Variants in EPHA6 observed in about 807,000 individuals in gnomAD.
The protein encoded by EPHA6 is EPH receptor A6, also known as ephrin type-A receptor 6.
In EPHA6, 50 loss-of-function variants were observed where a neutral mutation model predicts 112.0. The observed-to-expected ratio is 0.45, with a 90% CI of 0.36 to 0.56. The LOEUF (loss-of-function observed/expected upper bound fraction) is 0.56, where lower values mean the gene tolerates loss of function less well. Ranked by LOEUF, EPHA6 falls within the 20% of genes least tolerant of loss-of-function variation. The pLI, the probability that EPHA6 is intolerant of heterozygous loss-of-function variation, is 0.00. For synonymous variants in EPHA6, 529 were observed against 490.7 expected (o/e 1.08, Z -1.03); for missense variants, 1,280 against 1,417.4 (o/e 0.90, Z 1.56).
intron 14 of EPHA6, among the ~76,000 whole-genome samples, chr3:97,647,659 A>G (rs1020685066): frequency 6.6e-6 from 1 of 152,126 alleles, no homozygotes; most frequent in African/African-American, 2.4e-5. Flanking sequence ...AATCTGCATA[A>G]AAGTTACTGA....
chr3:96,877,557 T>C lies in EPHA6; in HGVS notation c.450+10668T>C, dbSNP rs201056082. Reference sequence around the variant, plus strand: ...AGATGAGAATAAAAAATAGAACATATGGATTTTTAATGAGTGATAGATGGA... The same window carrying C: ...AGATGAGAATAAAAAATAGAACATACGGATTTTTAATGAGTGATAGATGGA... On this transcript the variant is annotated intron_variant, in intron 2 of 17. Transcript: ENST00000389672. Among the ~76,000 whole-genome samples, 13 of 152,106 alleles carry C rather than the reference T, an allele frequency of 8.5e-5. No homozygotes were observed. The East Asian group carries it at 1.9e-3, about 23-fold the overall frequency.
chr3:97,541,723 T>C (rs994270847), intron 11 of EPHA6, among the ~76,000 whole-genome samples: 1 of 124,696 alleles, frequency 8.0e-6, no homozygotes. Context: ...GTTTTCTTTT[T>C]TTTGTTTTTT....
chr3:97,028,176 G>C (rs1306652389), intron 3 of EPHA6, among the ~76,000 whole-genome samples: 1 of 152,144 alleles, frequency 6.6e-6, no homozygotes, highest in Non-Finnish European at 1.5e-5. Flanking sequence ...ATAGAGAGGA[G>C]AAACCCAAAG....
chr3:97,589,854 C>T (rs2093526877), intron 11 of EPHA6, among the ~76,000 whole-genome samples: 5 of 152,156 alleles, frequency 3.3e-5, no homozygotes, highest in Admixed American at 3.3e-4. Context: ...TCCTGCTACA[C>T]ATTTTAGATT....
At chr3:97,408,110 G>A (rs1053652622) in intron 6 of EPHA6, among the ~76,000 whole-genome samples, 1 of 152,000 alleles carries the variant, frequency 6.6e-6, no homozygotes, top group Non-Finnish European at 1.5e-5. Context: ...CCCAACAGAA[G>A]AGGAGAAAAG....
intron 2 of EPHA6, among the ~76,000 whole-genome samples, chr3:96,931,250 C>T (rs928754703): frequency 1.3e-5 from 2 of 152,114 alleles, no homozygotes; most frequent in African/African-American, 2.4e-5. Context: ...CTGGGAGGTC[C>T]CACCCAGTGA....
chr3:96,820,097 G>A (rs977754723), intron 1 of EPHA6, among the ~76,000 whole-genome samples: 5 of 152,020 alleles, frequency 3.3e-5, no homozygotes, highest in African/African-American at 4.8e-5. Context: ...CAAGGGTCTC[G>A]AAGAGAAATG....
chr3:97,269,291 TTTC>T (rs2079802017), intron 5 of EPHA6, among the ~76,000 whole-genome samples: 1 of 152,208 alleles, frequency 6.6e-6, no homozygotes, highest in Non-Finnish European at 1.5e-5. Flanking sequence ...TCTTGTTTAC[TTTC>T]TTCTTCTCCA....
At chr3:97,629,649 C>A (rs1226050788) in intron 13 of EPHA6, among the ~76,000 whole-genome samples, 1 of 151,950 alleles carries the variant, frequency 6.6e-6, no homozygotes, top group Non-Finnish European at 1.5e-5. Context: ...CTGAACTCCT[C>A]TATGGTCACT....
At chr3:97,405,610 T>A (rs719634) in intron 6 of EPHA6, among the ~76,000 whole-genome samples, 26 of 151,978 alleles carry the variant, frequency 1.7e-4, no homozygotes, top group Non-Finnish European at 3.4e-4. Flanking sequence ...AAAATTCAGA[T>A]GGGAAGAAAT....
At chr3:96,841,349 T>G (rs1300673180) in intron 1 of EPHA6, among the ~76,000 whole-genome samples, 1 of 152,142 alleles carries the variant, frequency 6.6e-6, no homozygotes, top group Non-Finnish European at 1.5e-5. Flanking sequence ...AGTTTCCCGC[T>G]TGACTTCTCC....
At chr3:97,744,544 G>A (rs751393192) in intron 16 of EPHA6, among the ~76,000 whole-genome samples, 2 of 151,952 alleles carry the variant, frequency 1.3e-5, no homozygotes, top group Non-Finnish European at 2.9e-5. Flanking sequence ...CAAGGCAGTC[G>A]TATAAAGGCC....
chr3:97,303,445 AAGAGAG>A (rs141147487), intron 5 of EPHA6, among the ~76,000 whole-genome samples: 1 of 150,612 alleles, frequency 6.6e-6, no homozygotes, highest in African/African-American at 2.4e-5. Context: ...AAGACCGAGC[AAGAGAG>A]AGAGAGAGAG....
intron 1 of EPHA6, among the ~76,000 whole-genome samples, chr3:96,864,839 A>G (rs2036214546): frequency 6.6e-6 from 1 of 152,094 alleles, no homozygotes; most frequent in Admixed American, 6.6e-5. Context: ...AATATTGAAC[A>G]CTGTCTGGAT....
At chr3:97,547,333 C>G (rs550690219) in intron 11 of EPHA6, among the ~76,000 whole-genome samples, 1 of 152,214 alleles carries the variant, frequency 6.6e-6, no homozygotes, top group African/African-American at 2.4e-5. Context: ...AGGTCCACTC[C>G]AGACCCTGTC....
intron 5 of EPHA6, among the ~76,000 whole-genome samples, chr3:97,402,160 G>C (rs2087030709): frequency 6.6e-6 from 1 of 152,100 alleles, no homozygotes; most frequent in East Asian, 1.9e-4. Context: ...GTAACTATTA[G>C]TTAGGTCCAT....
At chr3:96,949,596 G>A (rs2041439806) in intron 2 of EPHA6, among the ~76,000 whole-genome samples, 1 of 152,096 alleles carries the variant, frequency 6.6e-6, no homozygotes, top group Non-Finnish European at 1.5e-5. Flanking sequence ...GTAAGCAGGT[G>A]ATGTAGGATT....
chr3:96,907,053 C>T (rs1172758153), intron 2 of EPHA6, among the ~76,000 whole-genome samples: 1 of 151,504 alleles, frequency 6.6e-6, no homozygotes, highest in Non-Finnish European at 1.5e-5. Context: ...AGGACTTCTG[C>T]CACTTGTCCT....
chr3:97,603,894 C>G (rs1208844544), intron 12 of EPHA6, among the ~76,000 whole-genome samples: 2 of 151,892 alleles, frequency 1.3e-5, no homozygotes, highest in African/African-American at 2.4e-5. Context: ...TTTACTGACA[C>G]TAGTCATTTT....
Sources: gnomAD v4.1 joint callset for allele counts (sites outside exome capture counted in the v4.1 genomes callset) on GRCh38, gnomAD v4.1.1 for gene constraint, MANE v1.5 for transcripts, NCBI Gene and HGNC (gene_info 2026-07-23, HGNC 2026-07-21) for gene names.